The following SMG7 variants were observed in gnomAD, a reference collection of about 807,000 sequenced individuals.
SMG7 encodes SMG7 nonsense mediated mRNA decay factor, also known as nonsense-mediated mRNA decay factor SMG7.
Under a neutral mutation model 148.2 loss-of-function variants are expected in SMG7, and 34 were observed. The observed-to-expected ratio is 0.23, with a 90% confidence interval of 0.17 to 0.31. The LOEUF (loss-of-function observed/expected upper bound fraction) is 0.31. Among genes scored for constraint, SMG7 ranks in the 10% least tolerant of loss-of-function variants. The probability of loss-of-function intolerance (pLI) is 1.00; values close to 1 mark genes in which losing one functional copy is unlikely to be tolerated. For synonymous variants in SMG7, 492 were observed against 515.1 expected (o/e 0.96, Z 0.61); for missense variants, 1,114 against 1,408.4 (o/e 0.79, Z 3.35).
chr1:183,482,128 G>A (rs140545008), intron 1 of SMG7, among the ~76,000 whole-genome samples: 1 of 152,178 alleles, frequency 6.6e-6, no homozygotes, highest in Non-Finnish European at 1.5e-5. Flanking sequence ...TTTGGTTGAT[G>A]TAAACATTAT....
In SMG7 at chr1:183,494,211, T is replaced by C. The variant is rs149041129; in HGVS notation, c.30-18626T>C. Among the ~76,000 whole-genome samples the C allele has an allele frequency of 8.7e-4, 133 of 152,128 alleles. 2 individuals carry two copies. In the East Asian group the frequency reaches 0.018, roughly 21 times the overall value. On this transcript the variant is annotated intron_variant, in intron 1 of 22. Transcript: ENST00000688051. ...CTTTTTTAAATTGCTCTAGTATTTA[T>C]ATTATGCACCTTTATATTATATAAT... is the stretch of plus-strand genomic sequence containing the variant.
chr1:183,521,345 C>T (rs1413144965), intron 4 of SMG7, among the ~76,000 whole-genome samples: 1 of 152,160 alleles, frequency 6.6e-6, no homozygotes, highest in Non-Finnish European at 1.5e-5. Context: ...GTGATCCACC[C>T]ACCTCTGCCT....
At chr1:183,546,906 A>G (rs532630799) in intron 17 of SMG7, among the ~76,000 whole-genome samples, 197 bp from the exon 18 acceptor site, 19 of 152,138 alleles carry the variant, frequency 1.2e-4, no homozygotes, top group Admixed American at 9.2e-4. Context: ...TTGCTTTTCT[A>G]TTGTCTTGAA....
chr1:183,533,454 A>G, intron 9 of SMG7, 128 bp downstream of exon 9: 1 of 1,072,592 alleles, frequency 9.3e-7, no homozygotes, highest in Admixed American at 2.3e-5. Context: ...TCAGGAGTTC[A>G]TAATAACTTT....
chr1:183,475,135 T>C (rs572956349), intron 1 of SMG7, among the ~76,000 whole-genome samples: 1 of 152,354 alleles, frequency 6.6e-6, no homozygotes, highest in South Asian at 2.1e-4. Flanking sequence ...TCAGCTGTAG[T>C]ACACTGCATG....
Position 183,550,773 on chromosome 1 carries a change from G to A in SMG7, c.3156G>A (p.Gln1052=), listed in dbSNP as rs778040659. The A allele has an allele frequency of 1.2e-6, 2 of 1,613,988 alleles. No individual in the cohort carries two copies. The highest frequency in any genetic ancestry group is 2.7e-5 in the African/African-American group (2 of 74,920). The change falls in exon 21 of 23, where the codon CAG becomes CAA. Residue 1052 remains glutamine, a synonymous_variant. Transcript: ENST00000688051. ...TAGATCATTCAACACCAGCCAGCCA[G>A]TCTCCTCATTCCTCTAACCCAAGCA... ...ASSDHSTPAS[Q]SPHSSNPSSL... is the part of the protein sequence containing the mutation.
intron 18 of SMG7, 38 bp from the exon 19 acceptor site, chr1:183,549,170 G>A (rs1670506597): frequency 7.0e-7 from 1 of 1,432,812 alleles, no homozygotes; most frequent in Non-Finnish European, 9.8e-7. Context: ...GAAAATAGAA[G>A]GTATAACTTA....
Position 183,526,540 on chromosome 1 carries a change from C to G in SMG7, c.313-56C>G, listed in dbSNP as rs1204118361. On this transcript the variant is annotated intron_variant, in intron 4 of 22. Coordinates refer to ENST00000688051, the MANE Select transcript of SMG7 (RefSeq NM_001375584.1). ...AGGTACACATCTTACAGTTTATAAA[C>G]TTTACTTTTAGAGCACTTGTGACTT... 16 of 1,209,850 alleles carry G rather than the reference C, an allele frequency of 1.3e-5. No individual in the cohort carries two copies. In the East Asian group the frequency reaches 3.6e-4, roughly 27 times the overall value. 74.9% of individuals were successfully genotyped at this position (1,209,850 alleles called of 1,614,324 possible). A position where few individuals can be genotyped will look rare whatever the true frequency, so the allele number is the denominator to read the frequency against.
intron 1 of SMG7, among the ~76,000 whole-genome samples, chr1:183,506,875 CTTTTTTTTT>C (rs71130622): frequency 1.8e-5 from 2 of 111,826 alleles, no homozygotes; most frequent in African/African-American, 6.6e-5. Context: ...ACTATATATT[CTTTTTTTTT>C]TTTTTTTTTT....
At chr1:183,502,016 A>G (rs1327968570) in intron 1 of SMG7, among the ~76,000 whole-genome samples, 1 of 152,134 alleles carries the variant, frequency 6.6e-6, no homozygotes, top group East Asian at 1.9e-4. Context: ...CAGTTTTCAG[A>G]CAGTGAGGAA....
chr1:183,542,925 ATATGTGTGTGTGTGTGTG>A (rs1436025440), intron 14 of SMG7, among the ~76,000 whole-genome samples: 1,709 of 141,614 alleles, frequency 0.012, 32 homozygotes, highest in African/African-American at 0.044. Flanking sequence ...TAATATATAT[ATATGTGTGTGTGTGTGTG>A]TGTGTGTGTG....
chr1:183,502,508 C>A, intron 1 of SMG7: 2 of 831,020 alleles, frequency 2.4e-6, no homozygotes, highest in Non-Finnish European at 1.7e-6. Context: ...TTGATTTTGG[C>A]CAAGATCGGG....
rs758487784 is a variant in SMG7, at chr1:183,542,490, T to C, written c.1830T>C (p.Asn610=). 1 of 1,613,090 alleles carries C rather than the reference T, an allele frequency of 6.2e-7. No individual in the cohort carries two copies. The highest frequency in any genetic ancestry group is 1.1e-5 in the South Asian group (1 of 90,974). The change falls in exon 14 of 23, where the codon AAT becomes AAC. Residue 610 remains asparagine, a synonymous_variant. Transcript: ENST00000688051. ...LEKLQETGKQ[N]VAVQVKSQTE... Reference sequence around the variant, plus strand: ...AGTTACAGGAAACAGGAAAGCAGAATGTGGCAGTGCAGGTAAGCTGTATTT... The same window carrying C: ...AGTTACAGGAAACAGGAAAGCAGAACGTGGCAGTGCAGGTAAGCTGTATTT...
At position 183,545,185 on chromosome 1, in the gene SMG7, C is replaced by G; in HGVS notation, c.2243C>G (p.Pro748Arg). ...TCCCAGCAACCCCTTACATCTTTAC[C>G]AGCTCAGCCAACAGCACAGTCTACA... is the stretch of plus-strand genomic sequence containing the variant. ...PPSQQPLTSL[P>R]AQPTAQSTSQ... Residue 748 changes from proline (P) to arginine (R), a missense_variant, in exon 16 of 23, where the codon CCA becomes CGA. By Grantham distance (103) the Pro-to-Arg change is moderately radical. Around this residue, in one of 4 missense-constraint regions of SMG7, gnomAD observed 788 missense variants for 894.5 expected, o/e 0.88. Transcript: ENST00000688051. 6.2e-7 allele frequency: 1 copy of G among 1,614,120 alleles called. No homozygotes were observed. Among genetic ancestry groups the G allele is most frequent in the South Asian group, 1.1e-5 (1 of 91,088 alleles).
In SMG7 at chr1:183,518,172, T is replaced by C. The variant is rs72731467; in HGVS notation, c.312+352T>C. On this transcript the variant is annotated intron_variant, in intron 4 of 22. Coordinates refer to ENST00000688051, the MANE Select transcript of SMG7 (RefSeq NM_001375584.1). ...TATGTTGCCCATGCTAGTCTTGAAT[T>C]CCTGGGCTCAAGTGATCCGCCCACC... 9.5e-3 allele frequency among the ~76,000 whole-genome samples: 1,447 copies of C among 152,270 alleles called. 15 individuals carry two copies. The highest frequency in any genetic ancestry group is 0.017 in the Non-Finnish European group (1,158 of 68,016).
intron 10 of SMG7, among the ~76,000 whole-genome samples, chr1:183,535,960 T>C (rs1667697599): frequency 6.6e-6 from 1 of 152,128 alleles, no homozygotes; most frequent in Non-Finnish European, 1.5e-5. Flanking sequence ...TTATATATTT[T>C]TAATATGTGT....
intron 1 of SMG7, among the ~76,000 whole-genome samples, chr1:183,480,118 G>T (rs1462215866): frequency 2.6e-5 from 4 of 152,104 alleles, no homozygotes; most frequent in Non-Finnish European, 5.9e-5. Flanking sequence ...GGTCAGGCAG[G>T]ATCCTACAGA....
intron 1 of SMG7, among the ~76,000 whole-genome samples, chr1:183,489,876 AG>A (rs1229913661): frequency 6.6e-6 from 1 of 152,220 alleles, no homozygotes; most frequent in African/African-American, 2.4e-5. Flanking sequence ...TGAGCAGAAA[AG>A]TTTTAATGAA....
At chr1:183,509,561 C>A (rs1661689829) in intron 1 of SMG7, among the ~76,000 whole-genome samples, 1 of 151,990 alleles carries the variant, frequency 6.6e-6, no homozygotes, top group Admixed American at 6.6e-5. Context: ...GTTATATTTT[C>A]CATTTAGCTG....
Sources: allele counts gnomAD v4.1 joint callset (sites outside exome capture counted in the v4.1 genomes callset), GRCh38; gene constraint gnomAD v4.1.1; regional missense constraint gnomAD v4.1.1; transcripts MANE v1.5; gene names NCBI Gene and HGNC (gene_info 2026-07-23, HGNC 2026-07-21).